The following DOCK8 variants were observed in gnomAD, a reference collection of about 807,000 sequenced individuals.
The protein encoded by DOCK8 is dedicator of cytokinesis protein 8.
A neutral mutation model predicts 245.6 loss-of-function variants in DOCK8; 141 were observed. That is an observed-to-expected ratio of 0.57 (90% CI 0.50 to 0.66). The LOEUF (loss-of-function observed/expected upper bound fraction) is 0.66, where lower values mean the gene tolerates loss of function less well. Among genes scored for constraint, DOCK8 ranks in the 30% least tolerant of loss-of-function variants. The pLI is 0.00. For synonymous variants in DOCK8, 1,168 were observed against 970.2 expected, an observed-to-expected ratio of 1.20 and a Z score of -3.79; for missense variants, 2,965 against 2,603.4, an observed-to-expected ratio of 1.14 and a Z score of -3.02.
At chr9:444,021 C>A (rs143748279) in intron 43 of DOCK8, among the ~76,000 whole-genome samples, 1 of 152,150 alleles carries the variant, frequency 6.6e-6, no homozygotes, top group Non-Finnish European at 1.5e-5. Context: ...CTTTAGGCTG[C>A]AAGTATTCCT....
chr9:241,693 A>G (rs1335700274), intron 1 of DOCK8, among the ~76,000 whole-genome samples: 2 of 152,222 alleles, frequency 1.3e-5, no homozygotes, highest in Admixed American at 1.3e-4. Context: ...ATGGGGGCGC[A>G]GATGTCTCTT....
intron 24 of DOCK8, among the ~76,000 whole-genome samples, chr9:396,345 C>T (rs1341687209): frequency 6.6e-6 from 1 of 152,166 alleles, no homozygotes; most frequent in African/African-American, 2.4e-5. Context: ...GTTCTCCTTA[C>T]TGTAGTTTCA....
intron 26 of DOCK8, among the ~76,000 whole-genome samples, chr9:403,534 T>C (rs1241517465): frequency 1.3e-5 from 2 of 152,210 alleles, no homozygotes; most frequent in East Asian, 3.8e-4. Context: ...GTAGGCAATA[T>C]GTCCCACAAC....
chr9:451,613 A>G (rs1489653466), intron 45 of DOCK8, among the ~76,000 whole-genome samples: 2 of 152,094 alleles, frequency 1.3e-5, no homozygotes, highest in Non-Finnish European at 2.9e-5. Context: ...ATAGAGCGAG[A>G]CCCTGTCTAA....
Position 407,075 on chromosome 9 carries a change from T to C in DOCK8, c.3530+6T>C. 5 of 1,614,026 alleles carry C rather than the reference T, an allele frequency of 3.1e-6. No homozygotes were observed. Among genetic ancestry groups the C allele is most frequent in the Non-Finnish European group, 4.2e-6 (5 of 1,180,008 alleles). ...CTGGATGCCGAAGGGGAAGGGTATG[T>C]TTCTGGCATTTAAAATGGAAGATGA... On this transcript the variant is annotated splice_donor_region_variant and intron_variant, in intron 28 of 47. Transcript: ENST00000432829.
At chr9:449,639 C>A in intron 44 of DOCK8, 145 bp from the exon 45 acceptor site, 1 of 972,072 alleles carries the variant, frequency 1.0e-6, no homozygotes, top group Non-Finnish European at 1.6e-6. Context: ...TTCTTTTTAA[C>A]CTGTTAAGAG....
intron 14 of DOCK8, chr9:365,661 C>G (rs1319252043): frequency 2.2e-6 from 1 of 452,232 alleles, no homozygotes; most frequent in Admixed American, 2.4e-5. Context: ...TGCAATTATG[C>G]TTTGGAAAAG....
At chr9:400,295 C>T (rs1334834931) in intron 26 of DOCK8, among the ~76,000 whole-genome samples, 1 of 79,130 alleles carries the variant, frequency 1.3e-5, no homozygotes, top group Non-Finnish European at 2.5e-5. Flanking sequence ...TTCACCACCA[C>T]CACCATCTTC....
At chr9:245,602 G>C (rs1158726818) in intron 1 of DOCK8, among the ~76,000 whole-genome samples, 1 of 152,142 alleles carries the variant, frequency 6.6e-6, no homozygotes, top group African/African-American at 2.4e-5. Flanking sequence ...TGAAGAAATT[G>C]AAGGGTTCTC....
intron 1 of DOCK8, among the ~76,000 whole-genome samples, chr9:253,918 G>A (rs1305224681): frequency 1.3e-5 from 2 of 152,172 alleles, no homozygotes; most frequent in Non-Finnish European, 2.9e-5. Flanking sequence ...AAGAGAGTGA[G>A]GCCAAGATTT....
At chr9:376,621 CT>C (rs1306434266) in intron 19 of DOCK8, among the ~76,000 whole-genome samples, 2 of 152,160 alleles carry the variant, frequency 1.3e-5, no homozygotes, top group African/African-American at 4.8e-5. Context: ...ACTTTGCCAG[CT>C]TTTAAAAAGA....
At chr9:260,687 T>G (rs2129765664) in intron 1 of DOCK8, among the ~76,000 whole-genome samples, 1 of 152,302 alleles carries the variant, frequency 6.6e-6, no homozygotes, top group East Asian at 1.9e-4. Flanking sequence ...TGAAAGAGAC[T>G]AGTTAAGAAA....
chr9:252,173 C>G (rs2047666528), intron 1 of DOCK8, among the ~76,000 whole-genome samples: 1 of 151,844 alleles, frequency 6.6e-6, no homozygotes, highest in Non-Finnish European at 1.5e-5. Context: ...GGGGGTCTCA[C>G]CATGTTGGTC....
At chr9:282,609 A>G (rs1366142640) in intron 2 of DOCK8, among the ~76,000 whole-genome samples, 1 of 151,844 alleles carries the variant, frequency 6.6e-6, no homozygotes, top group Non-Finnish European at 1.5e-5. Context: ...AAAATTGTAA[A>G]GACAGAGTCT....
intron 33 of DOCK8, among the ~76,000 whole-genome samples, chr9:426,268 C>T (rs996072109): frequency 1.3e-5 from 2 of 152,154 alleles, no homozygotes; most frequent in African/African-American, 4.8e-5. Flanking sequence ...TAATGTCCGG[C>T]AGGATATTAG....
chr9:399,870 C>T (rs2054663788), intron 26 of DOCK8, among the ~76,000 whole-genome samples: 1 of 151,912 alleles, frequency 6.6e-6, no homozygotes, highest in Non-Finnish European at 1.5e-5. Context: ...CTGCTCCTCT[C>T]CTTCCATATC....
chr9:214,713 C>T, upstream of DOCK8: 1 of 1,545,946 alleles, frequency 6.5e-7, no homozygotes, highest in South Asian at 1.2e-5. Flanking sequence ...ATCGGGAGGC[C>T]AGTTCCGCGC....
intron 6 of DOCK8, among the ~76,000 whole-genome samples, chr9:313,146 G>C (rs936580152): frequency 3.9e-5 from 6 of 152,250 alleles, no homozygotes; most frequent in African/African-American, 1.4e-4. Flanking sequence ...CATGAGATAG[G>C]ATATCACGTC....
chr9:338,209 C>T (rs61319569), intron 12 of DOCK8, among the ~76,000 whole-genome samples: 4,911 of 151,954 alleles, frequency 0.032, 268 homozygotes, highest in African/African-American at 0.11. Context: ...TATATTTTGC[C>T]ACACTTAAAA....
Sources: gnomAD v4.1 joint callset for allele counts (sites outside exome capture counted in the v4.1 genomes callset) on GRCh38, gnomAD v4.1.1 for gene constraint, MANE v1.5 for transcripts, NCBI Gene and HGNC (gene_info 2026-07-23, HGNC 2026-07-21) for gene names.